The following AACS variants were observed in gnomAD, a reference collection of about 807,000 sequenced individuals.
AACS encodes acetoacetyl-CoA synthetase, also known as acetoacetate-CoA ligase.
AACS carries 69 observed loss-of-function variants against 83.1 expected under a neutral mutation model. The observed-to-expected ratio is 0.83, with a 90% CI of 0.68 to 1.01. AACS has a LOEUF of 1.01. AACS is among the 50% of genes least tolerant of loss of function. The probability of loss-of-function intolerance (pLI) is 0.00; values close to 1 mark genes in which losing one functional copy is unlikely to be tolerated. For synonymous variants in AACS, 333 were observed against 343.4 expected (o/e 0.97, Z 0.33); for missense variants, 866 against 882.2 (o/e 0.98, Z 0.23).
chr12:125,116,788 G>A (rs1433188654), intron 9 of AACS, among the ~76,000 whole-genome samples: 2 of 152,086 alleles, frequency 1.3e-5, no homozygotes, highest in Non-Finnish European at 2.9e-5. Flanking sequence ...TCTAACAGCA[G>A]CCTTGGTGGC....
rs1468034357 is a variant in AACS at position 125,130,426 on chromosome 12, G to T, written c.1549+966G>T. 6.6e-6 allele frequency among the ~76,000 whole-genome samples: 1 copy of T among 152,252 alleles called. No individual in the cohort carries two copies. Among genetic ancestry groups the T allele is most frequent in the Non-Finnish European group, 1.5e-5 (1 of 68,048 alleles). Reference sequence around the variant, plus strand: ...ATGCAGAAAAGCAAGAGTGGATGTAGAGAAACACTCATCAGATGACCCTGA... The same window carrying T: ...ATGCAGAAAAGCAAGAGTGGATGTATAGAAACACTCATCAGATGACCCTGA... On this transcript the variant is annotated intron_variant, in intron 14 of 17. Coordinates refer to ENST00000316519, the MANE Select transcript of AACS (RefSeq NM_023928.5). The surrounding 1 kb of genome is among the most constrained non-coding windows in gnomAD (Gnocchi z 4.9).
intron 3 of AACS, among the ~76,000 whole-genome samples, chr12:125,083,243 G>A (rs35569541): frequency 1.3e-5 from 2 of 152,122 alleles, no homozygotes; most frequent in African/African-American, 4.8e-5. Flanking sequence ...GTTCCTCCTC[G>A]TGTGGGCTGC....
chr12:125,136,611 C>T (rs1232404368), intron 16 of AACS, 51 bp from the exon 17 acceptor site: 2 of 1,553,422 alleles, frequency 1.3e-6, no homozygotes, highest in Non-Finnish European at 8.8e-7. Context: ...AGGCCCGACC[C>T]CACACTGAGG....
At chr12:125,085,648 G>A (rs889859739) in intron 3 of AACS, among the ~76,000 whole-genome samples, 3 of 152,158 alleles carry the variant, frequency 2.0e-5, no homozygotes, top group South Asian at 4.1e-4. Context: ...CTTTGCTGGT[G>A]TACTCTGTTT....
intron 1 of AACS, among the ~76,000 whole-genome samples, chr12:125,067,686 A>G (rs1390903267): frequency 6.6e-6 from 1 of 152,048 alleles, no homozygotes; most frequent in African/African-American, 2.4e-5. Context: ...GGTGCCTGCC[A>G]CTATGCCCGG....
chr12:125,072,157 CT>C (rs1244336663), intron 1 of AACS, among the ~76,000 whole-genome samples: 631 of 136,298 alleles, frequency 4.6e-3, no homozygotes, highest in East Asian at 7.5e-3. Context: ...GCTCCTGGCG[CT>C]TTTTTTTTTT....
chr12:125,078,361 T>C (rs1956082559), intron 3 of AACS: 1 of 455,680 alleles, frequency 2.2e-6, no homozygotes, highest in Admixed American at 2.3e-5. Flanking sequence ...CGACGTACCA[T>C]ATGGGGCTGG....
intron 2 of AACS, among the ~76,000 whole-genome samples, chr12:125,075,825 C>G (rs560769948): frequency 2.0e-5 from 3 of 151,580 alleles, no homozygotes; most frequent in Non-Finnish European, 2.9e-5. Context: ...AGCTCCTGAC[C>G]TTGTGACCCG....
At position 125,065,558 on chromosome 12, in the gene AACS, T is replaced by C. The variant is rs1955662735; in HGVS notation, c.-27T>C. 1.3e-6 allele frequency: 2 copies of C among 1,498,788 alleles called. No homozygotes were observed. Among genetic ancestry groups the C allele is most frequent in the Non-Finnish European group, 1.8e-6 (2 of 1,124,044 alleles). The allele number at this position is 1,498,788 out of a possible 1,614,324, so 92.8% of individuals were successfully genotyped here. ...CCCGGCCCCTGGTCCCCAGCCCTCG[T>C]CGCAGCCCCGGCCGCCCGCCGCCGC... On this transcript the variant is annotated 5_prime_UTR_variant, in exon 1 of 18. Transcript: ENST00000316519.
rs1956850877 is a variant in AACS at position 125,107,142 on chromosome 12, T to C, written c.789T>C (p.Leu263=). The C allele has an allele frequency of 6.2e-7, 1 of 1,614,042 alleles. No individual in the cohort carries two copies. The highest frequency in any genetic ancestry group is 8.5e-7 in the Non-Finnish European group (1 of 1,180,034). Residue 263 remains leucine, a synonymous_variant, in exon 8 of 18, where the codon CTT becomes CTC. Transcript: ENST00000316519. ...IPNSVFLDDF[L]ATGTSEQAPQ... is the part of the protein sequence containing the mutation. ...ACAGTGTGTTTCTGGATGACTTTCT[T>C]GCCACCGGCACCAGTGAGCAGGCCC...
Position 125,113,992 on chromosome 12 carries a change from C to T in AACS, c.916-485C>T, listed in dbSNP as rs111338290. Among the ~76,000 whole-genome samples the T allele has an allele frequency of 2.0e-5, 3 of 152,204 alleles. No homozygotes were observed. The highest frequency in any genetic ancestry group is 2.1e-4 in the South Asian group (1 of 4,826). On this transcript the variant is annotated intron_variant, in intron 8 of 17. Transcript: ENST00000316519. The surrounding 1 kb of genome is among the most constrained non-coding windows in gnomAD (Gnocchi z 4.8). Reference sequence around the variant, plus strand: ...GGCATTCCTGAAATCCGATCTTGAACGTGAGTCCCAGCTACAGTCTTGCTC... The same window carrying T: ...GGCATTCCTGAAATCCGATCTTGAATGTGAGTCCCAGCTACAGTCTTGCTC...
chr12:125,102,879 C>T, intron 6 of AACS, 86 bp downstream of exon 6: 1 of 1,427,730 alleles, frequency 7.0e-7, no homozygotes, highest in East Asian at 2.3e-5. Flanking sequence ...TCTGGGTAGT[C>T]TCTGCCCCAG....
At chr12:125,074,660 G>GTTTTTTT (rs869194296) in intron 2 of AACS, among the ~76,000 whole-genome samples, 2 of 122,160 alleles carry the variant, frequency 1.6e-5, no homozygotes, top group African/African-American at 3.5e-5. Flanking sequence ...CATTGTTGTA[G>GTTTTTTT]TTTTTTTTTT....
chr12:125,119,070 A>AT (rs1286083404), intron 10 of AACS, among the ~76,000 whole-genome samples: 1 of 152,174 alleles, frequency 6.6e-6, no homozygotes, highest in Non-Finnish European at 1.5e-5. Flanking sequence ...TTTGAAGGTT[A>AT]TTTTTTAGTA....
chr12:125,105,546 G>A (rs1252007744), intron 7 of AACS: 2 of 152,224 alleles, frequency 1.3e-5, no homozygotes, highest in Non-Finnish European at 2.9e-5. Context: ...CCAGCCCCCT[G>A]GTTGGCCTGG....
At chr12:125,093,254 T>C (rs1392553362) in intron 5 of AACS, among the ~76,000 whole-genome samples, 2 of 151,446 alleles carry the variant, frequency 1.3e-5, no homozygotes, top group Non-Finnish European at 2.9e-5. Context: ...AGAGCTGGAG[T>C]GTAGCCTCCT....
intron 2 of AACS, among the ~76,000 whole-genome samples, chr12:125,075,586 C>T (rs983015847): frequency 6.6e-6 from 1 of 150,830 alleles, no homozygotes; most frequent in African/African-American, 2.4e-5. Context: ...GCCACTGTGC[C>T]CAGCTGGAGT....
rs1203529772 is a variant in AACS, at chr12:125,065,690, G to C, written c.106G>C (p.Val36Leu). 1 of 1,542,826 alleles carries C rather than the reference G, an allele frequency of 6.5e-7. No individual in the cohort carries two copies. The highest frequency in any genetic ancestry group is 8.7e-7 in the Non-Finnish European group (1 of 1,143,594). The part of the protein sequence containing the change: ...NTQMDRFRAA[V>L]GAACGLALES... ...GCAGATGGACCGCTTCCGGGCGGCT[G>C]TGGGCGCCGCCTGCGGCCTGGCGCT... The change falls in exon 1 of 18, where the codon GTG becomes CTG. Residue 36 changes from valine to leucine, a missense_variant. Transcript: ENST00000316519.
At chr12:125,134,961 G>A (rs1484867388) in intron 16 of AACS, 109 bp downstream of exon 16, 1 of 1,275,476 alleles carries the variant, frequency 7.8e-7, no homozygotes, top group African/African-American at 1.5e-5. Flanking sequence ...CTTGTTCTCT[G>A]GTGTGACAGT....
Sources: gnomAD v4.1 joint callset for allele counts (sites outside exome capture counted in the v4.1 genomes callset) on GRCh38, gnomAD v4.1.1 for gene constraint, Gnocchi (gnomAD v3.1) non-coding constraint, MANE v1.5 for transcripts, NCBI Gene and HGNC (gene_info 2026-07-23, HGNC 2026-07-21) for gene names.